The following C16orf90 variants were observed in gnomAD, a reference collection of about 807,000 sequenced individuals.
C16orf90 encodes the protein uncharacterized protein C16orf90.
C16orf90 carries 17 observed loss-of-function variants against 17.1 expected under a neutral mutation model. That is an observed-to-expected ratio of 1.00 (90% CI 0.68 to 1.49). The LOEUF (loss-of-function observed/expected upper bound fraction) is 1.49. C16orf90 is among the 40% of genes most tolerant of loss of function. The pLI is 0.00. For synonymous variants in C16orf90, 108 were observed against 95.8 expected, an observed-to-expected ratio of 1.13 and a Z score of -0.75; for missense variants, 255 against 235.5, an observed-to-expected ratio of 1.08 and a Z score of -0.54.
In C16orf90 at chr16:3,493,717, C is replaced by T. The variant is rs1485392500; in HGVS notation, c.*122G>A. 1.8e-5 allele frequency: 17 copies of T among 922,528 alleles called. No individual in the cohort carries two copies. Among genetic ancestry groups the T allele is most frequent in the Non-Finnish European group, 2.7e-5 (17 of 630,524 alleles). 57.1% of individuals were successfully genotyped at this position (922,528 alleles called of 1,614,324 possible). On this transcript the variant is annotated 3_prime_UTR_variant, in exon 3 of 3. Transcript: ENST00000437192. ...TTCTCCCGAGGCCCAGGCCTGGGCG[C>T]TGGGCCGCTGCCTGGGCCACCCCAT...
chr16:3,494,319 G>A (rs950261449), intron 2 of C16orf90, among the ~76,000 whole-genome samples: 4 of 151,902 alleles, frequency 2.6e-5, no homozygotes, highest in South Asian at 4.2e-4. Flanking sequence ...CCTTTTTCTC[G>A]CACCGCTTTG....
intron 1 of C16orf90, among the ~76,000 whole-genome samples, chr16:3,495,122 G>C (rs750205328): frequency 1.3e-5 from 2 of 152,196 alleles, no homozygotes; most frequent in Admixed American, 6.5e-5. Flanking sequence ...TTGGTACTAA[G>C]AGTGCTTTCA....
chr16:3,495,370 C>G lies in C16orf90; in HGVS notation c.46+6G>C, dbSNP rs200404125. 2.0e-5 allele frequency: 32 copies of G among 1,605,522 alleles called. No individual in the cohort carries two copies. Among genetic ancestry groups the G allele is most frequent in the South Asian group, 3.4e-5 (3 of 89,020 alleles). Reference sequence around the variant, plus strand: ...CTTCCTGCCACTCCTCCCCACAGCCCGGCACCTTCTCTTATGTGCAGCTCA... The same window carrying G: ...CTTCCTGCCACTCCTCCCCACAGCCGGGCACCTTCTCTTATGTGCAGCTCA... On this transcript the variant is annotated splice_donor_region_variant and intron_variant, in intron 1 of 2. Transcript: ENST00000437192.
At chr16:3,496,636 G>T, upstream of C16orf90, 1 of 533,296 alleles carries the variant, frequency 1.9e-6, no homozygotes. Context: ...GTCTTCGCAA[G>T]GGCCGACAGG....
At chr16:3,496,447 G>A, upstream of C16orf90, 1 of 985,584 alleles carries the variant, frequency 1.0e-6, no homozygotes, top group Non-Finnish European at 1.5e-6. Flanking sequence ...AAACGGCCGT[G>A]GTTGTGGGGA....
chr16:3,494,324 G>A (rs541991061), intron 2 of C16orf90, among the ~76,000 whole-genome samples, 200 bp downstream of exon 2: 13 of 151,566 alleles, frequency 8.6e-5, no homozygotes, highest in African/African-American at 3.1e-4. Context: ...TTCTCGCACC[G>A]CTTTGTCCCT....
At chr16:3,494,369 A>T (rs1392573186) in intron 2 of C16orf90, among the ~76,000 whole-genome samples, 155 bp downstream of exon 2, 1 of 152,060 alleles carries the variant, frequency 6.6e-6, no homozygotes, top group Non-Finnish European at 1.5e-5. Flanking sequence ...GCTGTGCGTG[A>T]TGCAGAGATG....
Position 3,493,790 on chromosome 16 carries a change from T to G in C16orf90, c.*49A>C, listed in dbSNP as rs1408217113. 5 of 1,536,704 alleles carry G rather than the reference T, an allele frequency of 3.3e-6. No individual in the cohort carries two copies. The African/African-American group carries it at 6.9e-5, about 21-fold the overall frequency. On this transcript the variant is annotated 3_prime_UTR_variant, in exon 3 of 3. Coordinates refer to ENST00000437192, the MANE Select transcript of C16orf90 (RefSeq NM_001080524.2). ...CCGAGCCCCTCCTGCTCAGGCTGCC[T>G]CCTCGGCCATCCTGCCCCTCCTGTA...
upstream of C16orf90, chr16:3,495,647 G>T: frequency 4.1e-6 from 2 of 483,950 alleles, no homozygotes; most frequent in Non-Finnish European, 5.4e-6. Context: ...CCTGGGGGAA[G>T]TCCCTGGTCC....
chr16:3,494,610 A>AGGTCCAGGGCCCAGGCTGTGCCC lies in C16orf90; in HGVS notation c.291_313dup (p.Leu105ArgfsTer164). ...ACGTGGGCCCAGAGTCCCCTGTGGC[A>AGGTCCAGGGCCCAGGCTGTGCCC]GGTCCAGGGCCCAGGCTGTGCCCTC... On this transcript the variant is annotated frameshift_variant, in exon 2 of 3. Coordinates refer to ENST00000437192, the MANE Select transcript of C16orf90 (RefSeq NM_001080524.2). LOFTEE classifies it high-confidence loss of function. 2.5e-6 allele frequency: 4 copies of AGGTCCAGGGCCCAGGCTGTGCCC among 1,612,774 alleles called. No individual in the cohort carries two copies. The highest frequency in any genetic ancestry group is 3.4e-6 in the Non-Finnish European group (4 of 1,179,856).
At chr16:3,494,460 G>A (rs1028798271) in intron 2 of C16orf90, 64 bp downstream of exon 2, 2 of 1,401,736 alleles carry the variant, frequency 1.4e-6, no homozygotes, top group Non-Finnish European at 2.0e-6. Context: ...GCCCGCCTGA[G>A]GCCCCAGCCC....
chr16:3,493,867 G>T lies in C16orf90; in HGVS notation c.521C>A (p.Thr174Asn), dbSNP rs751226976. Residue 174 changes from threonine (T) to asparagine (N), a missense_variant, in exon 3 of 3, where the codon ACC (threonine) becomes AAC (asparagine). Thr to Asn is a moderately conservative substitution (Grantham distance 65). Transcript: ENST00000437192. The stretch of plus-strand genomic sequence containing the variant: ...TGGCCTCTCCAGGGCCCCAGAGCGG[G>T]TTCTCTTGCACAAGGGACACATGGC... The part of the protein sequence containing the change: ...EEAMCPLCKR[T>N]RSGALERP 2 of 1,606,410 alleles carry T rather than the reference G, an allele frequency of 1.2e-6. No homozygotes were observed. The highest frequency in any genetic ancestry group is 3.4e-5 in the Admixed American group (2 of 58,814).
Position 3,494,720 on chromosome 16 carries a change from G to T in C16orf90, c.204C>A (p.Tyr68Ter), listed in dbSNP as rs772913095. The T allele has an allele frequency of 5.6e-6, 9 of 1,608,400 alleles. No individual in the cohort carries two copies. The highest frequency in any genetic ancestry group is 7.6e-6 in the Non-Finnish European group (9 of 1,178,682). ...CAGTGGGTGGCGGGTGGCTCTCCAG[G>T]TAGAGGCCCAGGCCCCGGAGGTGGC... is the stretch of plus-strand genomic sequence containing the variant. ...RLRHLRGLGL[Y>*]LESHPPPTGQ... Residue 68 changes from tyrosine to a stop codon, truncating the protein, a stop_gained, in exon 2 of 3, where the codon TAC becomes TAA. Coordinates refer to ENST00000437192, the MANE Select transcript of C16orf90 (RefSeq NM_001080524.2). LOFTEE classifies it high-confidence loss of function.
chr16:3,494,918 C>T (rs2037286866), intron 1 of C16orf90, 41 bp from the exon 2 acceptor site: 4 of 1,412,842 alleles, frequency 2.8e-6, no homozygotes, highest in Non-Finnish European at 3.8e-6. Context: ...CAGCCCCCCA[C>T]AGCAGCCATG....
chr16:3,495,101 A>C (rs953711814), intron 1 of C16orf90, among the ~76,000 whole-genome samples: 1 of 152,212 alleles, frequency 6.6e-6, no homozygotes, highest in Non-Finnish European at 1.5e-5. Flanking sequence ...AGGCCTGGGA[A>C]GCCTCGGGCC....
At position 3,495,368 on chromosome 16, in the gene C16orf90, C is replaced by T; in HGVS notation, c.46+8G>A. ...CTCTTCCTGCCACTCCTCCCCACAG[C>T]CCGGCACCTTCTCTTATGTGCAGCT... On this transcript the variant is annotated splice_region_variant and intron_variant, in intron 1 of 2. Coordinates refer to ENST00000437192, the MANE Select transcript of C16orf90 (RefSeq NM_001080524.2). 6.2e-7 allele frequency: 1 copy of T among 1,605,034 alleles called. No individual in the cohort carries two copies. Among genetic ancestry groups the T allele is most frequent in the Non-Finnish European group, 8.5e-7 (1 of 1,175,578 alleles).
rs745778061 is a variant in C16orf90, at chr16:3,494,849, G to A, written c.75C>T (p.Pro25=). The part of the protein sequence containing the change: ...EDAVSQAQGR[P]GHPDAPPNIY... Reference sequence around the variant, plus strand: ...TGTTGGGGGGTGCGTCAGGGTGGCCGGGGCGTCCTTGGGCCTGGCTCACTG... The same window carrying A: ...TGTTGGGGGGTGCGTCAGGGTGGCCAGGGCGTCCTTGGGCCTGGCTCACTG... The change falls in exon 2 of 3, where the codon CCC becomes CCT. Residue 25 remains proline (P), a synonymous_variant. Coordinates refer to ENST00000437192, the MANE Select transcript of C16orf90 (RefSeq NM_001080524.2). 11 of 1,529,980 alleles carry A rather than the reference G, an allele frequency of 7.2e-6. No homozygotes were observed. Among genetic ancestry groups the A allele is most frequent in the South Asian group, 2.5e-5 (2 of 79,664 alleles). The allele number at this position is 1,529,980 out of a possible 1,614,324, so 94.8% of individuals were successfully genotyped here.
In C16orf90 at chr16:3,494,897, AG is replaced by A; in HGVS notation, c.47-21del. ...CTGCATCTGCAGAGGAGACAGCGGG[AG>A]GGTGGTGGCCAGCCCCCCACAGCAG... On this transcript the variant is annotated intron_variant, in intron 1 of 2. Coordinates refer to ENST00000437192, the MANE Select transcript of C16orf90 (RefSeq NM_001080524.2). The A allele has an allele frequency of 1.4e-6, 2 of 1,480,806 alleles. No individual in the cohort carries two copies. Among genetic ancestry groups the A allele is most frequent in the Non-Finnish European group, 9.0e-7 (1 of 1,116,180 alleles). 91.7% of individuals were successfully genotyped at this position (1,480,806 alleles called of 1,614,324 possible). A position where few individuals can be genotyped will look rare whatever the true frequency, so the allele number is the denominator to read the frequency against.
At position 3,495,468 on chromosome 16, in the gene C16orf90, A is replaced by AG. The variant is rs1203610779; in HGVS notation, c.-48dup. ...GGAGCAACCAGGACTTGGGTGCAGC[A>AG]GGGCCCTGCTCTCCCCTGCCTAGGG... is the stretch of plus-strand genomic sequence containing the variant. On this transcript the variant is annotated 5_prime_UTR_variant, in exon 1 of 3. Coordinates refer to ENST00000437192, the MANE Select transcript of C16orf90 (RefSeq NM_001080524.2). 7.5e-6 allele frequency: 12 copies of AG among 1,596,612 alleles called. No individual in the cohort carries two copies. The highest frequency in any genetic ancestry group is 1.0e-5 in the Non-Finnish European group (12 of 1,170,796).
Sources: gnomAD v4.1 joint callset for allele counts (sites outside exome capture counted in the v4.1 genomes callset) on GRCh38, gnomAD v4.1.1 for gene constraint, MANE v1.5 for transcripts, NCBI Gene and HGNC (gene_info 2026-07-23, HGNC 2026-07-21) for gene names.